SLC2A5: variants seen among roughly 807,000 people sequenced by gnomAD.
The protein encoded by SLC2A5 is solute carrier family 2 member 5.
Under a neutral mutation model 50.3 loss-of-function variants are expected in SLC2A5, and 56 were observed. The observed-to-expected ratio is 1.11, with a 90% CI of 0.90 to 1.39. The LOEUF (loss-of-function observed/expected upper bound fraction) is 1.39, where lower values mean the gene tolerates loss of function less well. Ranked by LOEUF, SLC2A5 falls within the 40% of genes most tolerant of loss-of-function variation. The probability of loss-of-function intolerance (pLI) is 0.00; values close to 1 mark genes in which losing one functional copy is unlikely to be tolerated. For synonymous variants in SLC2A5, 269 were observed against 281.9 expected, an observed-to-expected ratio of 0.95 and a Z score of 0.46; for missense variants, 566 against 650.1, an observed-to-expected ratio of 0.87 and a Z score of 1.41.
chr1:9,049,366 A>G (rs903764325), intron 3 of SLC2A5, among the ~76,000 whole-genome samples: 4 of 152,230 alleles, frequency 2.6e-5, no homozygotes, highest in African/African-American at 9.7e-5. Context: ...GAGAACCAAC[A>G]TCACCTGACT....
At chr1:9,039,730 G>A (rs1641245079) in intron 7 of SLC2A5, 68 bp from the exon 8 acceptor site, 2 of 1,418,066 alleles carry the variant, frequency 1.4e-6, no homozygotes, top group Non-Finnish European at 1.8e-6. Context: ...ACCCACGCCC[G>A]GCGCCCCAGG....
At chr1:9,083,791 C>G (rs1342990308) in intron 2 of SLC2A5, among the ~76,000 whole-genome samples, 2 of 151,896 alleles carry the variant, frequency 1.3e-5, no homozygotes, top group Admixed American at 1.3e-4. Context: ...CACCATTGCA[C>G]TCCAGCCTGG....
rs910856917 is a variant in SLC2A5 at position 9,039,619 on chromosome 1, G to A, written c.929C>T (p.Pro310Leu). Residue 310 changes from proline to leucine, a missense_variant, in exon 8 of 12, where the codon CCG becomes CTG. Coordinates refer to ENST00000377424, the MANE Select transcript of SLC2A5 (RefSeq NM_003039.3). ...ADQIYLSAGVPEEHVQYVTAG... is the reference protein window; with the variant it reads ...ADQIYLSAGVLEEHVQYVTAG... ...CGTCACGTACTGCACGTGCTCCTCC[G>A]GCACGCCGGCGCTCAGGTAGATCTG... The A allele has an allele frequency of 6.4e-7, 1 of 1,568,298 alleles. No homozygotes were observed. The highest frequency in any genetic ancestry group is 2.4e-5 in the East Asian group (1 of 41,748).
chr1:9,054,733 A>G (rs1641707553), intron 3 of SLC2A5, among the ~76,000 whole-genome samples: 1 of 152,034 alleles, frequency 6.6e-6, no homozygotes, highest in Non-Finnish European at 1.5e-5. Flanking sequence ...GAGACCAGCC[A>G]GAGAAACCTA....
rs1341026340 is a variant in SLC2A5, at chr1:9,041,833, G to A, written c.523C>T (p.Leu175Phe). 1.2e-6 allele frequency: 2 copies of A among 1,613,962 alleles called. No homozygotes were observed. Among genetic ancestry groups the A allele is most frequent in the Non-Finnish European group, 1.7e-6 (2 of 1,180,030 alleles). ...VPQLFITVGI[L>F]VAQIFGLRNL... ...CGAAGACCAAAGATCTGGGCCACAA[G>A]GATGCCAACAGTGATGAAGAGCTGG... is the stretch of plus-strand genomic sequence containing the variant. Residue 175 changes from leucine to phenylalanine, a missense_variant, in exon 5 of 12, where the codon CTT (leucine) becomes TTT (phenylalanine). Transcript: ENST00000377424.
At chr1:9,041,700 C>T (rs780775424) in intron 5 of SLC2A5, 85 bp downstream of exon 5, 29 of 1,610,882 alleles carry the variant, frequency 1.8e-5, no homozygotes, top group East Asian at 4.5e-5. Context: ...AAGTCCTGTC[C>T]TGTGGTGGTG....
At chr1:9,091,851 G>C (rs6702164), upstream of SLC2A5, among the ~76,000 whole-genome samples, 1 of 152,038 alleles carries the variant, frequency 6.6e-6, no homozygotes, top group East Asian at 1.9e-4. Context: ...AGTCACAGAG[G>C]CTGCTCCCTT....
chr1:9,059,166 A>T (rs12354226), intron 1 of SLC2A5, among the ~76,000 whole-genome samples: 3 of 108,362 alleles, frequency 2.8e-5, no homozygotes, highest in African/African-American at 3.7e-5. Flanking sequence ...TTTTTGACAC[A>T]GAGTCTTGCT....
chr1:9,085,720 T>G (rs1337805041), intron 1 of SLC2A5, among the ~76,000 whole-genome samples: 2 of 152,130 alleles, frequency 1.3e-5, no homozygotes, highest in Non-Finnish European at 2.9e-5. Flanking sequence ...GAGGGCGGCT[T>G]AGAATTTTAC....
chr1:9,061,023 C>A (rs1641929142), intron 1 of SLC2A5, among the ~76,000 whole-genome samples: 1 of 151,916 alleles, frequency 6.6e-6, no homozygotes, highest in African/African-American at 2.4e-5. Flanking sequence ...ACGGCTCATG[C>A]CTATAAATCC....
intron 5 of SLC2A5, 47 bp downstream of exon 5, chr1:9,041,738 G>T (rs1211441278): frequency 1.2e-6 from 2 of 1,613,892 alleles, no homozygotes; most frequent in African/African-American, 2.7e-5. Flanking sequence ...GGGGGCCAAG[G>T]GTAGTGGTGA....
At position 9,046,275 on chromosome 1, in the gene SLC2A5, AG is replaced by A. The variant is rs575748209; in HGVS notation, c.418+1334del. ...TGGCAGTGAGAAATACTGCCTACTA[AG>A]GATGCCAACTCAGGGAAAGCCACTG... On this transcript the variant is annotated intron_variant, in intron 4 of 11. Transcript: ENST00000377424. 3.2e-3 allele frequency among the ~76,000 whole-genome samples: 491 copies of A among 152,130 alleles called. 3 individuals carry two copies. Among genetic ancestry groups the A allele is most frequent in the African/African-American group, 0.012 (481 of 41,502 alleles).
rs1557675960 is a variant in SLC2A5, at chr1:9,060,095, A to AAT, written c.34-1846_34-1845insAT. Among the ~76,000 whole-genome samples the AAT allele has an allele frequency of 3.2e-4, 42 of 131,308 alleles. No individual in the cohort carries two copies. In the East Asian group the frequency reaches 7.5e-3, roughly 23 times the overall value. 86.1% of individuals were successfully genotyped at this position (131,308 alleles called of 152,430 possible). The stretch of plus-strand genomic sequence containing the variant: ...CACTACACACACACACTACACACAC[A>AAT]ACACACACAATACACACACACTATA... On this transcript the variant is annotated intron_variant, in intron 1 of 11. Coordinates refer to ENST00000377424, the MANE Select transcript of SLC2A5 (RefSeq NM_003039.3).
intron 3 of SLC2A5, among the ~76,000 whole-genome samples, chr1:9,055,387 T>G (rs1010700085): frequency 4.6e-5 from 7 of 151,928 alleles, no homozygotes; most frequent in South Asian, 2.1e-4. Context: ...TGTGGTGGCA[T>G]GCGCCTGTAA....
intron 1 of SLC2A5, among the ~76,000 whole-genome samples, 182 bp downstream of exon 1, chr1:9,069,322 T>A (rs1217757341): frequency 6.6e-6 from 1 of 152,074 alleles, no homozygotes; most frequent in Non-Finnish European, 1.5e-5. Context: ...TCTCTAAACC[T>A]CTCTCCTCCC....
At position 9,037,627 on chromosome 1, in the gene SLC2A5, C is replaced by T. The variant is rs1641164953; in HGVS notation, c.1465G>A (p.Glu489Lys). ...ACAGGTGGAAGCTCTTTCAGTTCCT[C>T]CTTTTCCGGGTACACTTCAGACACC... Reference protein sequence around the residue: ...NKVSEVYPEKEELKELPPVTS... With the variant: ...NKVSEVYPEKKELKELPPVTS... The change falls in exon 12 of 12, where the codon GAG becomes AAG. Residue 489 changes from glutamate (E) to lysine (K), a missense_variant. Glu to Lys is a moderately conservative substitution (Grantham distance 56). Coordinates refer to ENST00000377424, the MANE Select transcript of SLC2A5 (RefSeq NM_003039.3). 1 of 1,614,064 alleles carries T rather than the reference C, an allele frequency of 6.2e-7. No homozygotes were observed. Among genetic ancestry groups the T allele is most frequent in the Admixed American group, 1.7e-5 (1 of 60,010 alleles).
chr1:9,070,429 T>C (rs553904636), upstream of SLC2A5, among the ~76,000 whole-genome samples: 1 of 152,186 alleles, frequency 6.6e-6, no homozygotes, highest in Admixed American at 6.5e-5. Context: ...GATGTTACTT[T>C]CTGTGTATTC....
At chr1:9,088,797 C>A (rs1193852918), upstream of SLC2A5, among the ~76,000 whole-genome samples, 3 of 151,974 alleles carry the variant, frequency 2.0e-5, no homozygotes, top group Non-Finnish European at 4.4e-5. Context: ...ACAACAACAA[C>A]AACAACAGCA....
intron 5 of SLC2A5, chr1:9,041,157 C>A (rs757065385): frequency 2.4e-5 from 9 of 376,044 alleles, no homozygotes; most frequent in Admixed American, 4.6e-5. Flanking sequence ...AGAACCCTGG[C>A]GGGAACTGGC....
Sources: allele counts gnomAD v4.1 joint callset (sites outside exome capture counted in the v4.1 genomes callset), GRCh38; gene constraint gnomAD v4.1.1; transcripts MANE v1.5; gene names NCBI Gene and HGNC (gene_info 2026-07-23, HGNC 2026-07-21).